The following UBA2 variants were observed in gnomAD, a reference collection of about 807,000 sequenced individuals.
UBA2 encodes the protein ubiquitin like modifier activating enzyme 2, also known as SUMO-activating enzyme subunit 2.
A neutral mutation model predicts 77.2 loss-of-function variants in UBA2; 11 were observed. The ratio of observed to expected loss-of-function variants is 0.14; its 90% CI spans 0.09 to 0.24. The LOEUF (loss-of-function observed/expected upper bound fraction) is 0.24, where lower values mean the gene tolerates loss of function less well. Ranked by LOEUF, UBA2 falls within the 10% of genes least tolerant of loss-of-function variation. The pLI is 1.00. For missense variants in UBA2, 487 were observed against 781.7 expected, an observed-to-expected ratio of 0.62 and a Z score of 4.50; for synonymous variants, 278 against 276.7, an observed-to-expected ratio of 1.00 and a Z score of -0.05.
At chr19:34,431,991 G>C (rs2075261567) in intron 3 of UBA2, 60 bp downstream of exon 3, 1 of 1,219,916 alleles carries the variant, frequency 8.2e-7, no homozygotes, top group Non-Finnish European at 1.2e-6. Flanking sequence ...AAATATATAA[G>C]CTCAAAGTCA....
At chr19:34,451,397 C>T (rs896346763) in intron 9 of UBA2, among the ~76,000 whole-genome samples, 2 of 151,998 alleles carry the variant, frequency 1.3e-5, no homozygotes, top group African/African-American at 2.4e-5. Flanking sequence ...TAGTAGTGTC[C>T]GCTTACTGAG....
At chr19:34,467,712 G>A (rs1345506550) in intron 16 of UBA2, among the ~76,000 whole-genome samples, 2 of 152,182 alleles carry the variant, frequency 1.3e-5, no homozygotes, top group Non-Finnish European at 2.9e-5. Context: ...AGCTGGGATC[G>A]CGCCACTGCA....
At chr19:34,458,366 T>C (rs1198504383) in intron 12 of UBA2, among the ~76,000 whole-genome samples, 4 of 151,202 alleles carry the variant, frequency 2.6e-5, no homozygotes, top group Non-Finnish European at 4.4e-5. Context: ...CCATCCTGGC[T>C]AACACGGTGA....
intron 14 of UBA2, among the ~76,000 whole-genome samples, chr19:34,461,364 G>A (rs2075629652): frequency 6.6e-6 from 1 of 152,180 alleles, no homozygotes; most frequent in African/African-American, 2.4e-5. Flanking sequence ...TTAGTGTCAA[G>A]GTTCTTCTTG....
rs35696396 is a variant in UBA2 at position 34,443,441 on chromosome 19, C to CTTTT, written c.582-388_582-385dup. On this transcript the variant is annotated intron_variant, in intron 6 of 16. Coordinates refer to ENST00000246548, the MANE Select transcript of UBA2 (RefSeq NM_005499.3). ...TTTATAGTCATTTATCCGTTATTCA[C>CTTTT]TTTTTTTTTTTTTTTTTTGAGACGG... Among the ~76,000 whole-genome samples, 74 of 132,220 alleles carry CTTTT rather than the reference C, an allele frequency of 5.6e-4. 2 individuals are homozygous for CTTTT. Among genetic ancestry groups the CTTTT allele is most frequent in the Non-Finnish European group, 9.6e-4 (61 of 63,320 alleles). The allele number at this position is 132,220 out of a possible 152,430, so 86.7% of individuals were successfully genotyped here.
intron 16 of UBA2, among the ~76,000 whole-genome samples, chr19:34,468,255 T>A (rs894312467): frequency 2.0e-5 from 3 of 152,218 alleles, no homozygotes; most frequent in African/African-American, 7.2e-5. Context: ...TAATGTTCTC[T>A]TGAGAATTTT....
intron 1 of UBA2, 163 bp downstream of exon 1, chr19:34,428,733 G>C (rs1352586383): frequency 2.6e-6 from 3 of 1,154,392 alleles, no homozygotes; most frequent in Non-Finnish European, 3.3e-6. Context: ...CCCCCCGCGG[G>C]AGGAGACTGT....
At chr19:34,466,558 GT>G (rs2075690288) in intron 15 of UBA2, among the ~76,000 whole-genome samples, 1 of 152,110 alleles carries the variant, frequency 6.6e-6, no homozygotes, top group South Asian at 2.1e-4. Context: ...ACAGAAATTT[GT>G]TGTGTACCGT....
chr19:34,457,133 A>C (rs1472553925), intron 12 of UBA2, among the ~76,000 whole-genome samples: 1 of 136,056 alleles, frequency 7.3e-6, no homozygotes. Flanking sequence ...GTTCGAGACT[A>C]GCCTGACTAA....
intron 13 of UBA2, among the ~76,000 whole-genome samples, chr19:34,460,015 T>C (rs974028371): frequency 6.6e-6 from 1 of 152,212 alleles, no homozygotes; most frequent in Non-Finnish European, 1.5e-5. Flanking sequence ...CCTTCTTTCT[T>C]TTTTAGGAGC....
At chr19:34,446,605 T>TTC (rs2075433453) in intron 8 of UBA2, among the ~76,000 whole-genome samples, 1 of 71,038 alleles carries the variant, frequency 1.4e-5, no homozygotes, top group African/African-American at 3.1e-5. Flanking sequence ...GACTTTTTTT[T>TTC]TTCTTTCTTT....
At chr19:34,431,031 GT>G (rs1486824734) in intron 2 of UBA2, among the ~76,000 whole-genome samples, 1 of 152,018 alleles carries the variant, frequency 6.6e-6, no homozygotes, top group Admixed American at 6.6e-5. Flanking sequence ...TCTTTGTTTA[GT>G]TTTTTTAGTG....
rs762494992 is a variant in UBA2 at position 34,467,007 on chromosome 19, C to A, written c.1734C>A (p.Thr578=). The change falls in exon 16 of 17, where the codon ACC becomes ACA. Residue 578 remains threonine, a synonymous_variant. Transcript: ENST00000246548. Reference sequence around the variant, plus strand: ...GTGATGATGGAGCTCAGCCCTCCACCTCCACAGGTGAGTATGGCCCCAGCC... The same window carrying A: ...GTGATGATGGAGCTCAGCCCTCCACATCCACAGGTGAGTATGGCCCCAGCC... ...NGSDDGAQPS[T]STAQEQDDVL... is the part of the protein sequence containing the mutation. 1 of 1,613,988 alleles carries A rather than the reference C, an allele frequency of 6.2e-7. No individual in the cohort carries two copies. Among genetic ancestry groups the A allele is most frequent in the South Asian group, 1.1e-5 (1 of 91,078 alleles).
At chr19:34,461,537 G>T (rs1024173342) in intron 14 of UBA2, among the ~76,000 whole-genome samples, 3 of 152,208 alleles carry the variant, frequency 2.0e-5, no homozygotes, top group Admixed American at 1.3e-4. Flanking sequence ...ATTATATGCT[G>T]TCCCTTAGTT....
At chr19:34,447,298 C>T (rs2075442606) in intron 8 of UBA2, among the ~76,000 whole-genome samples, 2 of 152,142 alleles carry the variant, frequency 1.3e-5, no homozygotes, top group Admixed American at 1.3e-4. Context: ...TTGCTTTTCC[C>T]AGTCCACTGA....
In UBA2 at chr19:34,470,557, C is replaced by T. The variant is rs746847670; in HGVS notation, c.*1336C>T. On this transcript the variant is annotated 3_prime_UTR_variant, in exon 17 of 17. Transcript: ENST00000246548. Reference sequence around the variant, plus strand: ...TTCGTTTTTGAGATGAAGCCTCACACTGTCATCTGGCCTGGAGTGCAGTGG... The same window carrying T: ...TTCGTTTTTGAGATGAAGCCTCACATTGTCATCTGGCCTGGAGTGCAGTGG... 3.3e-5 allele frequency: 5 copies of T among 152,234 alleles called. No individual in the cohort carries two copies. The highest frequency in any genetic ancestry group is 1.9e-4 in the East Asian group (1 of 5,196). 9.4% of individuals were successfully genotyped at this position (152,234 alleles called of 1,614,324 possible). A position where few individuals can be genotyped will look rare whatever the true frequency, so the allele number is the denominator to read the frequency against.
At chr19:34,452,290 A>G (rs1451809401) in intron 10 of UBA2, 143 bp downstream of exon 10, 3 of 726,406 alleles carry the variant, frequency 4.1e-6, no homozygotes, top group South Asian at 5.2e-5. Context: ...TTTCAGCTCT[A>G]ATTGCTGTAT....
chr19:34,464,639 C>T (rs180745568), intron 15 of UBA2, among the ~76,000 whole-genome samples: 117 of 151,812 alleles, frequency 7.7e-4, no homozygotes, highest in Admixed American at 4.2e-3. Context: ...GGTGGCTTAT[C>T]AGAAAGACCT....
At chr19:34,467,359 C>T (rs1370233801) in intron 16 of UBA2, among the ~76,000 whole-genome samples, 2 of 151,576 alleles carry the variant, frequency 1.3e-5, no homozygotes, top group Non-Finnish European at 2.9e-5. Context: ...GTAGTCTCCG[C>T]TACTCAGGAG....
Sources: gnomAD v4.1 joint callset for allele counts (sites outside exome capture counted in the v4.1 genomes callset) on GRCh38, gnomAD v4.1.1 for gene constraint, MANE v1.5 for transcripts, NCBI Gene and HGNC (gene_info 2026-07-23, HGNC 2026-07-21) for gene names.